The following LUZP2 variants were observed in gnomAD, a reference collection of about 807,000 sequenced individuals.
The protein encoded by LUZP2 is leucine zipper protein 2.
LUZP2 carries 52 observed loss-of-function variants against 51.6 expected under a neutral mutation model. That is an observed-to-expected ratio of 1.01 (90% CI 0.81 to 1.27). The LOEUF (loss-of-function observed/expected upper bound fraction) is 1.27. Among genes scored for constraint, LUZP2 ranks in the 50% most tolerant of loss-of-function variants. The probability of loss-of-function intolerance (pLI) is 0.00; values close to 1 mark genes in which losing one functional copy is unlikely to be tolerated. For synonymous variants in LUZP2, 154 were observed against 137.3 expected (o/e 1.12, Z -0.85); for missense variants, 436 against 395.4 (o/e 1.10, Z -0.87).
At chr11:24,728,287 C>T (rs1771367260) in intron 1 of LUZP2, among the ~76,000 whole-genome samples, 1 of 151,140 alleles carries the variant, frequency 6.6e-6, no homozygotes, top group Non-Finnish European at 1.5e-5. Context: ...ACTTATTCCA[C>T]AACATACAGG....
intron 1 of LUZP2, among the ~76,000 whole-genome samples, chr11:24,599,189 C>G (rs72878844): frequency 0.047 from 7,214 of 152,080 alleles, 276 homozygotes; most frequent in East Asian, 0.14. Context: ...TCTTGAGGCA[C>G]TTAGGTTTAA....
chr11:24,762,656 C>G (rs955443330), intron 4 of LUZP2, among the ~76,000 whole-genome samples: 6 of 152,220 alleles, frequency 3.9e-5, no homozygotes, highest in African/African-American at 4.8e-5. Context: ...TGACCACTTA[C>G]TATACTACCA....
chr11:24,873,772 G>A (rs964098257), intron 5 of LUZP2, among the ~76,000 whole-genome samples: 1 of 152,184 alleles, frequency 6.6e-6, no homozygotes, highest in African/African-American at 2.4e-5. Flanking sequence ...CCTTTGAAAA[G>A]CTGTGTGACA....
intron 8 of LUZP2, among the ~76,000 whole-genome samples, chr11:24,981,517 C>A (rs1429593098): frequency 6.6e-6 from 1 of 151,710 alleles, no homozygotes; most frequent in Non-Finnish European, 1.5e-5. Context: ...GTGTTGACCT[C>A]TTATCTCACC....
intron 1 of LUZP2, among the ~76,000 whole-genome samples, chr11:24,670,050 T>C (rs1255563062): frequency 6.6e-6 from 1 of 152,196 alleles, no homozygotes; most frequent in African/African-American, 2.4e-5. Context: ...GATGAATAAC[T>C]TCAGGTAAAA....
At chr11:24,628,911 T>C (rs1318012302) in intron 1 of LUZP2, among the ~76,000 whole-genome samples, 2 of 152,054 alleles carry the variant, frequency 1.3e-5, no homozygotes, top group African/African-American at 4.8e-5. Context: ...TGTGTGTGAA[T>C]ACATACATAT....
At chr11:24,498,043 C>T (rs868340962) in intron 1 of LUZP2, among the ~76,000 whole-genome samples, 3 of 152,120 alleles carry the variant, frequency 2.0e-5, no homozygotes, top group Non-Finnish European at 4.4e-5. Context: ...ATTTAAAATG[C>T]AGAGATTGAG....
intron 1 of LUZP2, among the ~76,000 whole-genome samples, chr11:24,532,751 C>A (rs1161448020): frequency 6.6e-6 from 1 of 150,904 alleles, no homozygotes. Flanking sequence ...TAATAGAGGA[C>A]CTGACTCTGT....
intron 5 of LUZP2, among the ~76,000 whole-genome samples, chr11:24,778,565 T>G (rs1849005748): frequency 6.6e-6 from 1 of 152,110 alleles, no homozygotes; most frequent in Admixed American, 6.5e-5. Flanking sequence ...GGCAAGATAC[T>G]TTACTCCTGG....
intron 1 of LUZP2, among the ~76,000 whole-genome samples, chr11:24,585,945 C>G (rs141195983): frequency 6.6e-6 from 1 of 152,134 alleles, no homozygotes; most frequent in Admixed American, 6.6e-5. Flanking sequence ...AAATGAACCA[C>G]AAGGAATTTA....
chr11:24,854,890 C>T (rs1851509834), intron 5 of LUZP2, among the ~76,000 whole-genome samples: 1 of 152,116 alleles, frequency 6.6e-6, no homozygotes, highest in Non-Finnish European at 1.5e-5. Flanking sequence ...GTGGGAATTT[C>T]TCGACCCCTT....
At chr11:24,694,164 C>A (rs949244600) in intron 1 of LUZP2, among the ~76,000 whole-genome samples, 1 of 152,026 alleles carries the variant, frequency 6.6e-6, no homozygotes, top group Non-Finnish European at 1.5e-5. Context: ...GCTTCTTAAA[C>A]CTTCTGACAT....
At chr11:24,922,829 TTTTTTTTC>T (rs1353313923) in intron 7 of LUZP2, among the ~76,000 whole-genome samples, 589 of 41,968 alleles carry the variant, frequency 0.014, 87 homozygotes, top group African/African-American at 0.043. Context: ...TTATATCTTT[TTTTTTTTC>T]TTTTTTTTTT....
intron 5 of LUZP2, among the ~76,000 whole-genome samples, chr11:24,868,588 T>A (rs374458078): frequency 7.2e-5 from 11 of 152,264 alleles, no homozygotes; most frequent in African/African-American, 2.4e-4. Flanking sequence ...AAGAAGAAAT[T>A]ATATTTTCTC....
intron 7 of LUZP2, among the ~76,000 whole-genome samples, chr11:24,927,846 A>T (rs1231567321): frequency 6.6e-6 from 1 of 151,908 alleles, no homozygotes; most frequent in Non-Finnish European, 1.5e-5. Context: ...CATTATCACG[A>T]TATTGATTCT....
intron 9 of LUZP2, among the ~76,000 whole-genome samples, chr11:25,031,921 A>G (rs1262123408): frequency 6.6e-6 from 1 of 152,158 alleles, no homozygotes; most frequent in Non-Finnish European, 1.5e-5. Flanking sequence ...AACAACTAAA[A>G]TTACCAATCA....
intron 7 of LUZP2, among the ~76,000 whole-genome samples, chr11:24,969,332 T>G (rs933503479): frequency 6.6e-6 from 1 of 152,194 alleles, no homozygotes; most frequent in Non-Finnish European, 1.5e-5. Context: ...TCAAGAAATA[T>G]AAATATCTAA....
At chr11:24,782,986 A>G (rs1161154590) in intron 5 of LUZP2, among the ~76,000 whole-genome samples, 1 of 152,020 alleles carries the variant, frequency 6.6e-6, no homozygotes, top group African/African-American at 2.4e-5. Flanking sequence ...AAGAGCCAGA[A>G]GAGACTAGGG....
chr11:24,744,103 A>T (rs1452459513), intron 4 of LUZP2, among the ~76,000 whole-genome samples: 1 of 151,902 alleles, frequency 6.6e-6, no homozygotes, highest in Non-Finnish European at 1.5e-5. Flanking sequence ...GATATGTTGG[A>T]TTCAGTTAGT....
Sources: allele counts gnomAD v4.1 joint callset (sites outside exome capture counted in the v4.1 genomes callset), GRCh38; gene constraint gnomAD v4.1.1; transcripts MANE v1.5; gene names NCBI Gene and HGNC (gene_info 2026-07-23, HGNC 2026-07-21).